Variants in AOX1 observed in about 807,000 individuals in gnomAD.
AOX1 encodes the protein aldehyde oxidase.
A neutral mutation model predicts 169.5 loss-of-function variants in AOX1; 153 were observed. The ratio of observed to expected loss-of-function variants is 0.90; its 90% CI spans 0.79 to 1.03. AOX1 has a LOEUF of 1.03. Ranked by LOEUF, AOX1 falls within the 50% of genes least tolerant of loss-of-function variation. The probability of loss-of-function intolerance (pLI) is 0.00; values close to 1 mark genes in which losing one functional copy is unlikely to be tolerated. For missense variants in AOX1, 1,656 were observed against 1,663.9 expected, an observed-to-expected ratio of 1.00 and a Z score of 0.08; for synonymous variants, 562 against 581.9, an observed-to-expected ratio of 0.97 and a Z score of 0.49.
chr2:200,609,612 T>C (rs1305588298), intron 12 of AOX1, among the ~76,000 whole-genome samples, 198 bp downstream of exon 12: 2 of 151,352 alleles, frequency 1.3e-5, no homozygotes, highest in African/African-American at 4.9e-5. Context: ...TTCTGGTTTT[T>C]TGTTTGTTTG....
At chr2:200,672,820 G>A (rs958536882), downstream of AOX1, among the ~76,000 whole-genome samples, 8 of 152,176 alleles carry the variant, frequency 5.3e-5, no homozygotes, top group Non-Finnish European at 1.0e-4. Context: ...GAGGCTGTGA[G>A]CTAAGCAGGT....
chr2:200,614,005 G>C (rs1160826830), intron 15 of AOX1, 39 bp downstream of exon 15: 5 of 1,581,346 alleles, frequency 3.2e-6, no homozygotes, highest in Admixed American at 1.8e-5. Flanking sequence ...CCAGTACTGG[G>C]AGCTATGATG....
downstream of AOX1, among the ~76,000 whole-genome samples, chr2:200,678,985 C>T (rs2036132472): frequency 1.3e-5 from 2 of 152,090 alleles, no homozygotes. Flanking sequence ...ATTATCTGAC[C>T]AACCATCACA....
chr2:200,645,238 G>A (rs541539889), intron 25 of AOX1, among the ~76,000 whole-genome samples: 8 of 152,212 alleles, frequency 5.3e-5, no homozygotes, highest in African/African-American at 1.9e-4. Flanking sequence ...TTACATTAAG[G>A]TATGTCCTTT....
chr2:200,630,825 G>A (rs1025018785), intron 20 of AOX1, among the ~76,000 whole-genome samples: 4 of 152,140 alleles, frequency 2.6e-5, no homozygotes, highest in East Asian at 1.9e-4. Context: ...GAAAATAAGT[G>A]TCCCACACTG....
chr2:200,617,339 A>C (rs1269138008), intron 16 of AOX1, among the ~76,000 whole-genome samples: 1 of 152,112 alleles, frequency 6.6e-6, no homozygotes, highest in Non-Finnish European at 1.5e-5. Context: ...ATTTGCTTTG[A>C]AAATATTTTG....
intron 10 of AOX1, 32 bp downstream of exon 10, chr2:200,605,660 A>G: frequency 9.0e-7 from 1 of 1,107,912 alleles, no homozygotes; most frequent in Non-Finnish European, 1.3e-6. Flanking sequence ...TTCTTAGTTA[A>G]GATGCATTAA....
chr2:200,667,889 A>C (rs1382573364), intron 32 of AOX1, among the ~76,000 whole-genome samples: 1 of 152,050 alleles, frequency 6.6e-6, no homozygotes, highest in Non-Finnish European at 1.5e-5. Flanking sequence ...GGATGAGACA[A>C]TGGGATTGTA....
In AOX1 at chr2:200,650,985, AAACATGTAC is replaced by A; in HGVS notation, c.2862_2870del (p.Asn954_Tyr956del). On this transcript the variant is annotated inframe_deletion, in exon 26 of 35. Transcript: ENST00000374700. ...CTTTTCTTTCATAGGTGCGAATCAT[AAACATGTAC>A]AAGGAAATTGATCAAACACCCTACA... The A allele has an allele frequency of 6.2e-7, 1 of 1,614,144 alleles. No individual in the cohort carries two copies.
intron 4 of AOX1, among the ~76,000 whole-genome samples, chr2:200,598,128 A>C (rs1261839175): frequency 6.6e-6 from 1 of 151,564 alleles, no homozygotes; most frequent in African/African-American, 2.4e-5. Context: ...GGAGAAAAAG[A>C]GGGAGAGAGG....
chr2:200,603,953 C>A, intron 7 of AOX1, 64 bp from the exon 8 acceptor site: 2 of 1,126,012 alleles, frequency 1.8e-6, no homozygotes, highest in Non-Finnish European at 1.4e-6. Context: ...ATCTTTTGAC[C>A]TTATTCCACA....
At chr2:200,676,226 C>A (rs1454049675), downstream of AOX1, among the ~76,000 whole-genome samples, 1 of 152,054 alleles carries the variant, frequency 6.6e-6, no homozygotes, top group Admixed American at 6.5e-5. Flanking sequence ...AGAAACTCCC[C>A]TGAATGTAGT....
intron 9 of AOX1, among the ~76,000 whole-genome samples, chr2:200,605,318 C>T (rs955616638): frequency 1.3e-5 from 2 of 152,226 alleles, no homozygotes; most frequent in East Asian, 3.9e-4. Flanking sequence ...TGCCATATGG[C>T]CCAAGTTTCA....
chr2:200,616,703 C>G (rs1275766762), intron 16 of AOX1, among the ~76,000 whole-genome samples: 3 of 152,138 alleles, frequency 2.0e-5, no homozygotes, highest in Admixed American at 2.0e-4. Context: ...AAAAATATGC[C>G]TGAAGTCACC....
At chr2:200,658,035 A>G (rs1164249305) in intron 27 of AOX1, among the ~76,000 whole-genome samples, 1 of 152,220 alleles carries the variant, frequency 6.6e-6, no homozygotes, top group African/African-American at 2.4e-5. Flanking sequence ...GTGGATACAT[A>G]TATGATTTAT....
intron 25 of AOX1, 43 bp from the exon 26 acceptor site, chr2:200,650,931 G>T (rs762065003): frequency 6.3e-7 from 1 of 1,581,888 alleles, no homozygotes; most frequent in African/African-American, 1.3e-5. Context: ...GCCTATGTCT[G>T]CTGGGTTTCC....
intron 10 of AOX1, among the ~76,000 whole-genome samples, chr2:200,607,237 A>G (rs1187090989): frequency 6.6e-6 from 1 of 152,252 alleles, no homozygotes; most frequent in Non-Finnish European, 1.5e-5. Context: ...CTATAGAGAT[A>G]ATCATGTGGT....
At chr2:200,596,315 T>C (rs549778054) in intron 3 of AOX1, among the ~76,000 whole-genome samples, 2 of 152,322 alleles carry the variant, frequency 1.3e-5, no homozygotes, top group East Asian at 3.9e-4. Context: ...CCTTCCATGC[T>C]TTGGGAGATC....
chr2:200,615,420 A>C (rs1380612583), intron 15 of AOX1, among the ~76,000 whole-genome samples: 2 of 152,214 alleles, frequency 1.3e-5, no homozygotes, highest in Non-Finnish European at 1.5e-5. Context: ...TCTTGTGTAA[A>C]GAACCAAATG....
Sources: gnomAD v4.1 joint callset for allele counts (sites outside exome capture counted in the v4.1 genomes callset) on GRCh38, gnomAD v4.1.1 for gene constraint, MANE v1.5 for transcripts, NCBI Gene and HGNC (gene_info 2026-07-23, HGNC 2026-07-21) for gene names.